The following SFTPD variants were observed in gnomAD, a reference collection of about 807,000 sequenced individuals.
SFTPD encodes the protein pulmonary surfactant-associated protein D.
In SFTPD, 18 loss-of-function variants were observed where a neutral mutation model predicts 34.6. The observed-to-expected ratio is 0.52, with a 90% CI of 0.36 to 0.77. The LOEUF (loss-of-function observed/expected upper bound fraction) is 0.77, where lower values mean the gene tolerates loss of function less well. SFTPD is among the 30% of genes least tolerant of loss of function. The pLI is 0.00. For missense variants in SFTPD, 433 were observed against 468.9 expected (o/e 0.92, Z 0.71); for synonymous variants, 155 against 180.9 (o/e 0.86, Z 1.15).
At chr10:79,973,617 CAAAAAAAAAAAA>C (rs5786429) in intron 1 of SFTPD, among the ~76,000 whole-genome samples, 1 of 90,644 alleles carries the variant, frequency 1.1e-5, no homozygotes, top group East Asian at 4.1e-4. Context: ...GACTCTGTCT[CAAAAAAAAAAAA>C]AAAAAAAAGT....
chr10:79,957,328 A>G (rs1355642995), intron 1 of SFTPD, among the ~76,000 whole-genome samples: 1 of 152,258 alleles, frequency 6.6e-6, no homozygotes, highest in Non-Finnish European at 1.5e-5. Flanking sequence ...TGAGATAAGA[A>G]GGCTTCAGAA....
rs557143250 is a variant in SFTPD at position 79,964,976 on chromosome 10, A to G, written c.36+17599T>C. Among the ~76,000 whole-genome samples the G allele has an allele frequency of 2.6e-4, 40 of 152,322 alleles. No homozygotes were observed. In the East Asian group the frequency reaches 6.8e-3, roughly 26 times the overall value. On this transcript the variant is annotated intron_variant, in intron 1 of 5. Coordinates refer to the SFTPD transcript ENST00000444384. ...CCTCTATACAGTCCAATAATGGACC[A>G]GCCTTTATTAGTCAAATCACCCAAA...
intron 2 of SFTPD, among the ~76,000 whole-genome samples, chr10:79,945,752 A>G (rs1055651507): frequency 6.6e-6 from 1 of 152,204 alleles, no homozygotes; most frequent in Admixed American, 6.5e-5. Context: ...CCAGATAAAA[A>G]AAACAGACTC....
At chr10:79,963,590 G>A (rs1739564708) in intron 1 of SFTPD, among the ~76,000 whole-genome samples, 1 of 151,964 alleles carries the variant, frequency 6.6e-6, no homozygotes, top group Non-Finnish European at 1.5e-5. Context: ...ATGATTATTA[G>A]TGAGGTTGAA....
chr10:79,965,140 C>T (rs990096336), intron 1 of SFTPD, among the ~76,000 whole-genome samples: 2 of 152,174 alleles, frequency 1.3e-5, no homozygotes, highest in Non-Finnish European at 2.9e-5. Flanking sequence ...AAGGAGGACT[C>T]TGTCAAGTAT....
intron 1 of SFTPD, among the ~76,000 whole-genome samples, chr10:79,948,082 T>G (rs1017203049): frequency 6.6e-6 from 1 of 152,222 alleles, no homozygotes; most frequent in African/African-American, 2.4e-5. Flanking sequence ...TATTTCTCAC[T>G]AGCCTCTTTC....
At chr10:79,955,473 G>GA in intron 1 of SFTPD, among the ~76,000 whole-genome samples, 1 of 152,110 alleles carries the variant, frequency 6.6e-6, no homozygotes, top group Non-Finnish European at 1.5e-5. Context: ...AACAAACAAA[G>GA]AAAACCCTGC....
At position 79,942,887 on chromosome 10, in the gene SFTPD, A is replaced by C; in HGVS notation, c.200-8T>G. 6.3e-7 allele frequency: 1 copy of C among 1,593,694 alleles called. No individual in the cohort carries two copies. The highest frequency in any genetic ancestry group is 8.6e-7 in the Non-Finnish European group (1 of 1,161,408). Reference sequence around the variant, plus strand: ...CTGCAGCTCCTGGCAAACCTGTAGCAGCAGAAGAAATGGACAAAGACCTGG... The same window carrying C: ...CTGCAGCTCCTGGCAAACCTGTAGCCGCAGAAGAAATGGACAAAGACCTGG... On this transcript the variant is annotated splice_region_variant and splice_polypyrimidine_tract_variant and intron_variant, in intron 2 of 7. Transcript: ENST00000372292.
At chr10:79,975,392 G>A (rs1180367628) in intron 1 of SFTPD, among the ~76,000 whole-genome samples, 1 of 152,032 alleles carries the variant, frequency 6.6e-6, no homozygotes, top group Non-Finnish European at 1.5e-5. Context: ...AAGTTCCTAG[G>A]TGGAATGAAC....
intron 1 of SFTPD, among the ~76,000 whole-genome samples, chr10:79,955,761 T>C (rs1842735067): frequency 6.6e-6 from 1 of 152,256 alleles, no homozygotes; most frequent in Admixed American, 6.5e-5. Context: ...CTAGGCACTT[T>C]ACTCTTTGTT....
At chr10:79,974,969 G>A (rs1367766922) in intron 1 of SFTPD, among the ~76,000 whole-genome samples, 1 of 152,200 alleles carries the variant, frequency 6.6e-6, no homozygotes, top group Non-Finnish European at 1.5e-5. Context: ...AAAGGGATGG[G>A]CCGAAATAAA....
intron 1 of SFTPD, among the ~76,000 whole-genome samples, chr10:79,959,212 C>T (rs372716043): frequency 1.3e-5 from 2 of 150,790 alleles, no homozygotes; most frequent in South Asian, 4.2e-4. Flanking sequence ...AAAATTGACA[C>T]CCTAACGTCA....
At chr10:79,962,584 T>C (rs1158909857) in intron 1 of SFTPD, among the ~76,000 whole-genome samples, 3 of 152,122 alleles carry the variant, frequency 2.0e-5, no homozygotes, top group African/African-American at 7.2e-5. Context: ...CTGTCTTATG[T>C]TTTTTAACTC....
intron 1 of SFTPD, among the ~76,000 whole-genome samples, chr10:79,962,401 C>T (rs1842778713): frequency 1.3e-5 from 2 of 151,930 alleles, no homozygotes; most frequent in South Asian, 4.2e-4. Context: ...TGAATCTGTG[C>T]TCTGTGTATG....
upstream of SFTPD, chr10:79,949,222 T>C (rs1842693930): frequency 6.6e-6 from 1 of 152,212 alleles, no homozygotes; most frequent in Non-Finnish European, 1.5e-5. Context: ...TCACTCACTC[T>C]TATCCCCACC....
intron 1 of SFTPD, among the ~76,000 whole-genome samples, chr10:79,978,146 C>T (rs1280300303): frequency 6.6e-6 from 1 of 152,110 alleles, no homozygotes; most frequent in Admixed American, 6.5e-5. Context: ...AGATTAGTTA[C>T]CATCTGTCCA....
upstream of SFTPD, among the ~76,000 whole-genome samples, chr10:79,949,872 A>G (rs1437530300): frequency 2.0e-5 from 2 of 98,410 alleles, no homozygotes; most frequent in African/African-American, 4.5e-5. Flanking sequence ...TTTTTTTTTG[A>G]GACAGTCTCA....
rs1192224078 is a variant in SFTPD at position 79,941,343 on chromosome 10, C to G, written c.667+55G>C. The G allele has an allele frequency of 2.7e-6, 4 of 1,498,688 alleles. No homozygotes were observed. The South Asian group carries it at 3.4e-5, about 13-fold the overall frequency. 92.8% of individuals were successfully genotyped at this position (1,498,688 alleles called of 1,614,324 possible). On this transcript the variant is annotated intron_variant, in intron 6 of 7. Transcript: ENST00000372292. ...TCCTCTGGGATGAGGAGGGCTTCCT[C>G]TCTGCCCACCCATGCCCCAGCGGGG...
At chr10:79,956,912 G>C (rs1199250193) in intron 1 of SFTPD, among the ~76,000 whole-genome samples, 1 of 152,178 alleles carries the variant, frequency 6.6e-6, no homozygotes, top group Non-Finnish European at 1.5e-5. Context: ...AGTAGGGACA[G>C]ACTGACACCT....
Sources: gnomAD v4.1 joint callset for allele counts (sites outside exome capture counted in the v4.1 genomes callset) on GRCh38, gnomAD v4.1.1 for gene constraint, MANE v1.5 for transcripts, NCBI Gene and HGNC (gene_info 2026-07-23, HGNC 2026-07-21) for gene names.